The following IQGAP2 variants were observed in gnomAD, a reference collection of about 807,000 sequenced individuals.
IQGAP2 encodes ras GTPase-activating-like protein IQGAP2.
Under a neutral mutation model 201.3 loss-of-function variants are expected in IQGAP2, and 173 were observed. That is an observed-to-expected ratio of 0.86 (90% CI 0.76 to 0.98). The LOEUF (loss-of-function observed/expected upper bound fraction) is 0.98. Among genes scored for constraint, IQGAP2 ranks in the 50% least tolerant of loss-of-function variants. The probability of loss-of-function intolerance (pLI) is 0.00; values close to 1 mark genes in which losing one functional copy is unlikely to be tolerated. For synonymous variants in IQGAP2, 675 were observed against 673.9 expected (o/e 1.00, Z -0.03); for missense variants, 1,687 against 1,864.8 (o/e 0.90, Z 1.76).
At chr5:76,484,009 GACTTC>G (rs142559466) in intron 2 of IQGAP2, among the ~76,000 whole-genome samples, 1,963 of 151,584 alleles carry the variant, frequency 0.013, 42 homozygotes, top group African/African-American at 0.045. Context: ...AAGCCTTCCT[GACTTC>G]AGGATGTTAG....
At chr5:76,421,789 C>T (rs1214584001) in intron 1 of IQGAP2, among the ~76,000 whole-genome samples, 1 of 152,148 alleles carries the variant, frequency 6.6e-6, no homozygotes, top group African/African-American at 2.4e-5. Flanking sequence ...CCTTTGACCT[C>T]TATAAATAGT....
intron 2 of IQGAP2, among the ~76,000 whole-genome samples, chr5:76,504,384 T>C (rs1757473583): frequency 6.6e-6 from 1 of 152,190 alleles, no homozygotes; most frequent in African/African-American, 2.4e-5. Flanking sequence ...TTTTCTGCCT[T>C]CCTAATTCTT....
intron 9 of IQGAP2, among the ~76,000 whole-genome samples, chr5:76,595,243 C>CTTTTT (rs1180358517): frequency 1.1e-4 from 4 of 35,310 alleles, no homozygotes; most frequent in Non-Finnish European, 1.5e-4. Flanking sequence ...CATTTCTTTG[C>CTTTTT]TTTTTTTTTT....
intron 1 of IQGAP2, among the ~76,000 whole-genome samples, chr5:76,454,957 G>C: frequency 6.6e-6 from 1 of 152,128 alleles, no homozygotes; most frequent in Non-Finnish European, 1.5e-5. Context: ...AGCACCTGTT[G>C]TTTCCTGACT....
intron 28 of IQGAP2, 61 bp downstream of exon 28, chr5:76,677,411 G>T: frequency 6.6e-7 from 1 of 1,524,240 alleles, no homozygotes. Context: ...CTGTTATCTT[G>T]AAAATGCTTA....
intron 2 of IQGAP2, among the ~76,000 whole-genome samples, chr5:76,555,095 A>G (rs981670070): frequency 6.6e-6 from 1 of 152,228 alleles, no homozygotes; most frequent in African/African-American, 2.4e-5. Flanking sequence ...TGAAATGTTC[A>G]GAATAGGCAA....
intron 1 of IQGAP2, among the ~76,000 whole-genome samples, chr5:76,404,718 C>A (rs976116163): frequency 3.9e-5 from 6 of 152,220 alleles, no homozygotes; most frequent in Non-Finnish European, 5.9e-5. Flanking sequence ...TCCTGTGTTA[C>A]CCTTGCAGTG....
chr5:76,603,981 T>A (rs915500239), intron 11 of IQGAP2, among the ~76,000 whole-genome samples: 82 of 151,932 alleles, frequency 5.4e-4, no homozygotes, highest in Non-Finnish European at 4.9e-4. Flanking sequence ...TAAAAAAAAT[T>A]TTTTTTTATT....
intron 4 of IQGAP2, 25 bp from the exon 5 acceptor site, chr5:76,575,664 TAATA>T: frequency 7.1e-7 from 1 of 1,408,282 alleles, no homozygotes; most frequent in Non-Finnish European, 9.9e-7. Context: ...GCAAAACATA[TAATA>T]AATATTGTTT....
chr5:76,563,286 A>G (rs1744509081), intron 3 of IQGAP2, among the ~76,000 whole-genome samples: 2 of 152,214 alleles, frequency 1.3e-5, no homozygotes, highest in African/African-American at 2.4e-5. Context: ...ACTGTTATTT[A>G]AATTTAGAAG....
chr5:76,594,068 G>A (rs952310459), intron 9 of IQGAP2, among the ~76,000 whole-genome samples: 1 of 152,126 alleles, frequency 6.6e-6, no homozygotes, highest in Non-Finnish European at 1.5e-5. Flanking sequence ...TTTTTTTAAG[G>A]TAACACCTTA....
intron 1 of IQGAP2, among the ~76,000 whole-genome samples, chr5:76,438,911 A>T (rs1316062303): frequency 2.0e-5 from 3 of 151,140 alleles, no homozygotes; most frequent in African/African-American, 7.4e-5. Flanking sequence ...CTAATCTTTT[A>T]TTTATTTATT....
intron 13 of IQGAP2, among the ~76,000 whole-genome samples, chr5:76,627,137 G>T (rs1324062177): frequency 1.3e-5 from 2 of 152,154 alleles, no homozygotes; most frequent in Non-Finnish European, 2.9e-5. Context: ...GTGAGGGCAA[G>T]CTTAGATGCA....
intron 13 of IQGAP2, chr5:76,617,450 C>T (rs1411922939): frequency 1.5e-6 from 1 of 675,642 alleles, no homozygotes; most frequent in Non-Finnish European, 2.5e-6. Context: ...ACTACTAATG[C>T]TTTTGTAATG....
chr5:76,406,343 GT>G (rs945912599), intron 1 of IQGAP2, among the ~76,000 whole-genome samples: 2 of 152,128 alleles, frequency 1.3e-5, no homozygotes, highest in African/African-American at 4.8e-5. Context: ...AATTTCCACT[GT>G]TATTGGCCAC....
intron 28 of IQGAP2, among the ~76,000 whole-genome samples, chr5:76,679,558 T>A (rs1421323177): frequency 2.0e-5 from 3 of 152,196 alleles, no homozygotes; most frequent in Non-Finnish European, 4.4e-5. Flanking sequence ...AACTTCCAAA[T>A]AAGCTCTTTA....
intron 5 of IQGAP2, among the ~76,000 whole-genome samples, chr5:76,586,613 T>TA (rs141475343): frequency 0.034 from 5,113 of 152,302 alleles, 119 homozygotes; most frequent in Non-Finnish European, 0.051. Context: ...CCTGTGGTGA[T>TA]AAGGGGACAA....
At position 76,654,981 on chromosome 5, in the gene IQGAP2, T is replaced by C. The variant is rs1008541509; in HGVS notation, c.2298T>C (p.Ala766=). The C allele has an allele frequency of 8.7e-6, 14 of 1,612,102 alleles. No homozygotes were observed. The highest frequency in any genetic ancestry group is 1.2e-5 in the Non-Finnish European group (14 of 1,178,496). ...AGTCACTGTTGAGAGCGAACAAAGC[T>C]AGAGATGACTACAAAACATTGGGTA... ...KIQSLLRANK[A]RDDYKTLVGS... is the part of the protein sequence containing the mutation. The change falls in exon 20 of 36, where the codon GCT becomes GCC. Residue 766 remains alanine (A), a synonymous_variant. Coordinates refer to ENST00000274364, the MANE Select transcript of IQGAP2 (RefSeq NM_006633.5).
At chr5:76,427,675 C>G (rs1040047694) in intron 1 of IQGAP2, among the ~76,000 whole-genome samples, 1 of 152,150 alleles carries the variant, frequency 6.6e-6, no homozygotes, top group East Asian at 1.9e-4. Context: ...ATTCTGTTCC[C>G]GCAGGTCTGG....
Sources: allele counts gnomAD v4.1 joint callset (sites outside exome capture counted in the v4.1 genomes callset), GRCh38; gene constraint gnomAD v4.1.1; transcripts MANE v1.5; gene names NCBI Gene and HGNC (gene_info 2026-07-23, HGNC 2026-07-21).